Variants in TRABD2B observed in about 807,000 individuals in gnomAD.
The protein encoded by TRABD2B is metalloprotease TIKI2.
TRABD2B carries 14 observed loss-of-function variants against 40.1 expected under a neutral mutation model. The observed-to-expected ratio is 0.35, with a 90% CI of 0.23 to 0.55. TRABD2B has a LOEUF of 0.55. Among genes scored for constraint, TRABD2B ranks in the 20% least tolerant of loss-of-function variants. The pLI is 0.90. For synonymous variants in TRABD2B, 263 were observed against 277.0 expected, an observed-to-expected ratio of 0.95 and a Z score of 0.50; for missense variants, 541 against 648.6, an observed-to-expected ratio of 0.83 and a Z score of 1.80.
At chr1:47,839,073 C>G (rs867203269) in intron 2 of TRABD2B, among the ~76,000 whole-genome samples, 1 of 152,150 alleles carries the variant, frequency 6.6e-6, no homozygotes, top group Non-Finnish European at 1.5e-5. Context: ...TGGCGTCAGG[C>G]CTTGTGGGAT....
intron 2 of TRABD2B, among the ~76,000 whole-genome samples, chr1:47,934,767 G>A (rs1477933137): frequency 1.3e-5 from 2 of 152,156 alleles, no homozygotes; most frequent in Non-Finnish European, 2.9e-5. Context: ...GCCAGACACA[G>A]GGCTTAGAGT....
chr1:47,789,276 G>GA (rs1644638189), intron 4 of TRABD2B, among the ~76,000 whole-genome samples: 1 of 152,154 alleles, frequency 6.6e-6, no homozygotes, highest in East Asian at 1.9e-4. Context: ...TGTTGCTGGA[G>GA]AAAATCTTAC....
intron 2 of TRABD2B, among the ~76,000 whole-genome samples, chr1:47,839,691 GGA>G (rs1474917525): frequency 6.6e-6 from 1 of 152,170 alleles, no homozygotes. Context: ...GGAGTGCGTG[GGA>G]ACTTTGGGCA....
At chr1:47,773,731 G>A (rs1383276888) in intron 6 of TRABD2B, among the ~76,000 whole-genome samples, 2 of 152,168 alleles carry the variant, frequency 1.3e-5, no homozygotes, top group African/African-American at 4.8e-5. Flanking sequence ...CCAGTCTCGG[G>A]TATGTCTTTA....
intron 2 of TRABD2B, among the ~76,000 whole-genome samples, chr1:47,897,024 G>C (rs914646166): frequency 6.6e-6 from 1 of 152,186 alleles, no homozygotes; most frequent in African/African-American, 2.4e-5. Context: ...CAAGGTATTG[G>C]ATGTGATAGG....
chr1:47,932,226 C>T (rs1211358289), intron 2 of TRABD2B, among the ~76,000 whole-genome samples: 5 of 152,276 alleles, frequency 3.3e-5, no homozygotes, highest in East Asian at 1.9e-4. Context: ...ATGAGGTAAA[C>T]AACAGCATCA....
At chr1:47,986,105 G>C (rs1175886207) in intron 2 of TRABD2B, among the ~76,000 whole-genome samples, 1 of 152,186 alleles carries the variant, frequency 6.6e-6, no homozygotes, top group Non-Finnish European at 1.5e-5. Context: ...GCCTGGAGAA[G>C]ATCATGTGTG....
intron 2 of TRABD2B, among the ~76,000 whole-genome samples, chr1:47,934,402 G>A (rs926724676): frequency 5.9e-5 from 9 of 152,234 alleles, no homozygotes; most frequent in Non-Finnish European, 4.4e-5. Flanking sequence ...CTGGTAAGGC[G>A]CATTCTTCTG....
At chr1:47,855,775 CCT>C (rs759182438) in intron 2 of TRABD2B, among the ~76,000 whole-genome samples, 44 of 152,308 alleles carry the variant, frequency 2.9e-4, no homozygotes, top group Non-Finnish European at 5.4e-4. Flanking sequence ...GGGCTTACTT[CCT>C]CTCTCTTTCC....
At chr1:47,920,791 G>GATGA (rs1287994149) in intron 2 of TRABD2B, among the ~76,000 whole-genome samples, 3 of 152,146 alleles carry the variant, frequency 2.0e-5, no homozygotes, top group Non-Finnish European at 2.9e-5. Context: ...GGTACTTCAG[G>GATGA]ATGAATGAAT....
chr1:47,793,556 G>C (rs915449284), intron 4 of TRABD2B, among the ~76,000 whole-genome samples: 15 of 152,260 alleles, frequency 9.9e-5, no homozygotes, highest in African/African-American at 3.6e-4. Flanking sequence ...GACAGGAGGG[G>C]AAGGGAACAC....
At chr1:47,793,076 C>T (rs1351784989) in intron 4 of TRABD2B, among the ~76,000 whole-genome samples, 2 of 152,078 alleles carry the variant, frequency 1.3e-5, no homozygotes, top group African/African-American at 4.8e-5. Context: ...AGTGGCTTAC[C>T]CTCTCCATGC....
At chr1:47,950,166 T>C (rs1204776054) in intron 2 of TRABD2B, among the ~76,000 whole-genome samples, 1 of 151,894 alleles carries the variant, frequency 6.6e-6, no homozygotes, top group African/African-American at 2.4e-5. Flanking sequence ...GCGCCTGTAG[T>C]CCCAGCTACT....
In TRABD2B at chr1:47,766,105, T is replaced by A; in HGVS notation, c.1351A>T (p.Thr451Ser). 1.4e-6 allele frequency: 1 copy of A among 701,510 alleles called. No individual in the cohort carries two copies. Among genetic ancestry groups the A allele is most frequent in the Non-Finnish European group, 2.6e-6 (1 of 384,470 alleles). The allele number at this position is 701,510 out of a possible 1,614,324, so 43.5% of individuals were successfully genotyped here. Residue 451 changes from threonine to serine, a missense_variant and splice_region_variant, in exon 7 of 7, where the codon ACC becomes TCC. Around this residue, in one of 2 missense-constraint regions of TRABD2B, gnomAD observed 172 missense variants for 155.8 expected, o/e 1.10. Transcript: ENST00000606738. ...NDLWVRIEDS[T>S]TASPPPLPLQ... ...GGCAGCGGGGGTGGTGAGGCGGTGGTGCTGGAAAGGAGGAAGCACATGGCA... is the reference window on the plus strand; with the variant it reads ...GGCAGCGGGGGTGGTGAGGCGGTGGAGCTGGAAAGGAGGAAGCACATGGCA...
intron 2 of TRABD2B, among the ~76,000 whole-genome samples, chr1:47,905,759 T>C (rs1247668235): frequency 1.3e-5 from 2 of 152,138 alleles, no homozygotes; most frequent in Non-Finnish European, 2.9e-5. Context: ...TCAATCTCTA[T>C]GGCATATGGT....
chr1:47,806,434 C>T (rs1644893063), intron 2 of TRABD2B, among the ~76,000 whole-genome samples: 1 of 152,154 alleles, frequency 6.6e-6, no homozygotes, highest in Non-Finnish European at 1.5e-5. Flanking sequence ...CTGCTCCTGG[C>T]CACCTTAGAA....
intron 2 of TRABD2B, among the ~76,000 whole-genome samples, chr1:47,921,154 T>C (rs536941378): frequency 6.6e-6 from 1 of 152,346 alleles, no homozygotes; most frequent in South Asian, 2.1e-4. Flanking sequence ...AACCTTTCCC[T>C]GCCACATCTG....
At chr1:47,769,009 C>T (rs1031599606) in intron 6 of TRABD2B, among the ~76,000 whole-genome samples, 12 of 152,178 alleles carry the variant, frequency 7.9e-5, no homozygotes, top group Admixed American at 5.9e-4. Flanking sequence ...ATGAGCGAAG[C>T]GTGGGTGCTT....
intron 4 of TRABD2B, among the ~76,000 whole-genome samples, chr1:47,789,524 A>T (rs1644642110): frequency 6.6e-6 from 1 of 152,112 alleles, no homozygotes; most frequent in African/African-American, 2.4e-5. Context: ...AAACATCTTT[A>T]ACTTCTTGTC....
Sources: allele counts gnomAD v4.1 joint callset (sites outside exome capture counted in the v4.1 genomes callset), GRCh38; gene constraint gnomAD v4.1.1; regional missense constraint gnomAD v4.1.1; transcripts MANE v1.5; gene names NCBI Gene and HGNC (gene_info 2026-07-23, HGNC 2026-07-21).